The following LINGO2 variants were observed in gnomAD, a reference collection of about 807,000 sequenced individuals.
LINGO2 encodes the protein leucine-rich repeat and immunoglobulin-like domain-containing nogo receptor-interacting protein 2.
Under a neutral mutation model 30.6 loss-of-function variants are expected in LINGO2, and 14 were observed. The observed-to-expected ratio is 0.46, with a 90% CI of 0.30 to 0.72. The LOEUF is 0.72. Among genes scored for constraint, LINGO2 ranks in the 30% least tolerant of loss-of-function variants. The pLI is 0.07. For missense variants in LINGO2, 729 were observed against 751.7 expected, an observed-to-expected ratio of 0.97 and a Z score of 0.35; for synonymous variants, 317 against 288.5, an observed-to-expected ratio of 1.10 and a Z score of -1.00.
At chr9:28,233,084 TA>T in intron 4 of LINGO2, among the ~76,000 whole-genome samples, 1 of 135,716 alleles carries the variant, frequency 7.4e-6, no homozygotes, top group African/African-American at 2.8e-5. Flanking sequence ...AGATATACAG[TA>T]AACATTTTAA....
chr9:28,819,081 G>A, the LINGO2 span, among the ~76,000 whole-genome samples: 1 of 152,020 alleles, frequency 6.6e-6, no homozygotes, highest in South Asian at 2.1e-4. Flanking sequence ...TCTTTGAGAA[G>A]CCCCAAATCC....
At chr9:28,138,320 A>C (rs1002274599) in intron 4 of LINGO2, among the ~76,000 whole-genome samples, 3 of 152,208 alleles carry the variant, frequency 2.0e-5, no homozygotes, top group African/African-American at 7.2e-5. Flanking sequence ...TATCTCTAGT[A>C]AGAGAAGTAG....
intron 4 of LINGO2, among the ~76,000 whole-genome samples, chr9:28,248,421 T>C (rs1413962258): frequency 2.0e-5 from 3 of 152,114 alleles, no homozygotes; most frequent in Non-Finnish European, 4.4e-5. Context: ...ATTAAACTCA[T>C]GGACATAGAG....
intron 5 of LINGO2, among the ~76,000 whole-genome samples, chr9:27,999,739 T>C (rs962336297): frequency 3.3e-5 from 5 of 152,264 alleles, no homozygotes; most frequent in Admixed American, 1.3e-4. Context: ...GCAAAGGACT[T>C]CTATAGATTA....
At chr9:28,733,441 T>C in the LINGO2 span, among the ~76,000 whole-genome samples, 1 of 152,162 alleles carries the variant, frequency 6.6e-6, no homozygotes, top group Non-Finnish European at 1.5e-5. Context: ...AAATTGATGG[T>C]GACATTAAGT....
rs527935295 is a variant in LINGO2 at position 28,419,418 on chromosome 9, G to A, written c.-278-46550C>T. On this transcript the variant is annotated intron_variant, in intron 2 of 5. Transcript: ENST00000379992. Reference sequence around the variant, plus strand: ...TTAGTAATACTATTGCCATTTTCCAGATGTGGAAATAGATTCAGAGGGGTT... The same window carrying A: ...TTAGTAATACTATTGCCATTTTCCAAATGTGGAAATAGATTCAGAGGGGTT... Among the ~76,000 whole-genome samples, 29 of 152,102 alleles carry A rather than the reference G, an allele frequency of 1.9e-4. No individual in the cohort carries two copies. The South Asian group carries it at 6.0e-3, about 31-fold the overall frequency.
intron 4 of LINGO2, among the ~76,000 whole-genome samples, chr9:28,238,356 AC>A (rs1465852535): frequency 6.6e-6 from 1 of 152,164 alleles, no homozygotes; most frequent in African/African-American, 2.4e-5. Flanking sequence ...CATTTTCCTC[AC>A]CACATAGATC....
the LINGO2 span, among the ~76,000 whole-genome samples, chr9:28,888,268 A>G: frequency 3.3e-5 from 5 of 152,186 alleles, no homozygotes; most frequent in South Asian, 1.0e-3. Context: ...TAAAGGATCA[A>G]CCTTATGTGG....
intron 4 of LINGO2, among the ~76,000 whole-genome samples, chr9:28,192,792 T>C (rs534946381): frequency 1.3e-5 from 2 of 152,280 alleles, no homozygotes; most frequent in African/African-American, 4.8e-5. Context: ...CACAGTACTA[T>C]ATGTACATAA....
At chr9:29,082,118 C>T in the LINGO2 span, among the ~76,000 whole-genome samples, 5 of 152,054 alleles carry the variant, frequency 3.3e-5, no homozygotes, top group Admixed American at 3.3e-4. Flanking sequence ...CCTGCATCGC[C>T]AAGTCAACCC....
At chr9:28,979,712 A>T in the LINGO2 span, among the ~76,000 whole-genome samples, 1 of 151,886 alleles carries the variant, frequency 6.6e-6, no homozygotes, top group Non-Finnish European at 1.5e-5. Context: ...AAGTAAAAAA[A>T]GAAATCTCAA....
intron 4 of LINGO2, among the ~76,000 whole-genome samples, chr9:28,036,566 C>T (rs781413239): frequency 2.6e-5 from 4 of 152,104 alleles, no homozygotes; most frequent in Non-Finnish European, 4.4e-5. Flanking sequence ...AATATGGTTT[C>T]CATCAGAAAA....
At chr9:28,550,089 A>C (rs1293440219) in intron 1 of LINGO2, among the ~76,000 whole-genome samples, 2 of 151,794 alleles carry the variant, frequency 1.3e-5, no homozygotes, top group East Asian at 1.9e-4. Flanking sequence ...AATGTGTCTA[A>C]ATTTGGATTT....
the LINGO2 span, among the ~76,000 whole-genome samples, chr9:29,010,804 C>T: frequency 6.6e-6 from 1 of 152,038 alleles, no homozygotes; most frequent in Non-Finnish European, 1.5e-5. Context: ...ATCACTCGAA[C>T]CCAGGAGGAG....
the LINGO2 span, among the ~76,000 whole-genome samples, chr9:28,985,225 T>C: frequency 9.0e-4 from 137 of 152,268 alleles, 1 homozygote; most frequent in East Asian, 0.01. Flanking sequence ...TGCATAGCAT[T>C]TCATTGTGTA....
intron 2 of LINGO2, among the ~76,000 whole-genome samples, chr9:28,382,648 C>T (rs1330717443): frequency 6.6e-6 from 1 of 152,094 alleles, no homozygotes; most frequent in East Asian, 1.9e-4. Flanking sequence ...TCATTCAGTT[C>T]TATGGGCCAC....
At chr9:28,880,256 A>G in the LINGO2 span, among the ~76,000 whole-genome samples, 5 of 152,100 alleles carry the variant, frequency 3.3e-5, no homozygotes. Flanking sequence ...TGTAGAAAGG[A>G]AATACATAAG....
chr9:28,163,308 A>G (rs531249854), intron 4 of LINGO2, among the ~76,000 whole-genome samples: 8 of 152,234 alleles, frequency 5.3e-5, no homozygotes, highest in African/African-American at 1.9e-4. Context: ...AATAGCCAAA[A>G]CTGAGGCAGA....
chr9:28,056,065 G>A (rs1347424831), intron 4 of LINGO2, among the ~76,000 whole-genome samples: 1 of 152,152 alleles, frequency 6.6e-6, no homozygotes, highest in Non-Finnish European at 1.5e-5. Flanking sequence ...AAGATCCAGA[G>A]AAAAAAGAAA....
Sources: allele counts gnomAD v4.1 joint callset (sites outside exome capture counted in the v4.1 genomes callset), GRCh38; gene constraint gnomAD v4.1.1; transcripts MANE v1.5; gene names NCBI Gene and HGNC (gene_info 2026-07-23, HGNC 2026-07-21).